Variants in AGRN observed in about 807,000 individuals in gnomAD.
AGRN encodes agrin, also known as agrin proteoglycan.
A neutral mutation model predicts 211.0 loss-of-function variants in AGRN; 106 were observed. That is an observed-to-expected ratio of 0.50 (90% CI 0.43 to 0.59). AGRN has a LOEUF of 0.59. AGRN is among the 20% of genes least tolerant of loss of function. The pLI is 0.00. For missense variants in AGRN, 3,040 were observed against 2,982.6 expected (o/e 1.02, Z -0.45); for synonymous variants, 1,525 against 1,332.5 (o/e 1.14, Z -3.15).
Position 1,053,770 on chromosome 1 carries a change from G to A in AGRN, c.5669G>A (p.Ser1890Asn), listed in dbSNP as rs1390685488. 6.2e-7 allele frequency: 1 copy of A among 1,607,290 alleles called. No homozygotes were observed. Among genetic ancestry groups the A allele is most frequent in the Non-Finnish European group, 8.5e-7 (1 of 1,177,734 alleles). Residue 1890 changes from serine (S) to asparagine (N), a missense_variant, in exon 34 of 36, where the codon AGC becomes AAC. Ser to Asn is a conservative substitution (Grantham distance 46). Transcript: ENST00000379370. ...CCCTCCAGCGAGAAGGCACTGCAGA[G>A]CAACCACTTTGAACTGAGCCTGCGC... ...AVTESEKALQ[S>N]NHFELSLRTE...
chr1:1,054,538 A>G lies in AGRN; in HGVS notation c.5967A>G (p.Gly1989=). Residue 1989 remains glycine (G), a synonymous_variant, in exon 35 of 36, where the codon GGA becomes GGG. Transcript: ENST00000379370. ...PLGATQLDTD[G]ALWLGGLPEL... ...GCGCCACGCAGCTGGACACTGATGG[A>G]GCCCTGTGGCTTGGTGAGTGTTTTG... The G allele has an allele frequency of 6.3e-7, 1 of 1,598,390 alleles. No homozygotes were observed. Among genetic ancestry groups the G allele is most frequent in the Non-Finnish European group, 8.5e-7 (1 of 1,173,728 alleles).
intron 2 of AGRN, among the ~76,000 whole-genome samples, chr1:1,025,603 C>A (rs1192114021): frequency 2.0e-5 from 3 of 152,132 alleles, no homozygotes; most frequent in Admixed American, 6.5e-5. Flanking sequence ...ACTCCAGGTT[C>A]TCATCCTGCC....
chr1:1,055,079 G>A lies in AGRN; in HGVS notation c.*98G>A, dbSNP rs1248008729. 8.6e-6 allele frequency: 13 copies of A among 1,506,552 alleles called. No homozygotes were observed. Among genetic ancestry groups the A allele is most frequent in the East Asian group, 2.5e-5 (1 of 40,698 alleles). 93.3% of individuals were successfully genotyped at this position (1,506,552 alleles called of 1,614,324 possible). Reference sequence around the variant, plus strand: ...TTCTTGCCTGAGTGTTGGCCGGAGGGACTGCTGGCCCGGCCTCCCTTCCGT... The same window carrying A: ...TTCTTGCCTGAGTGTTGGCCGGAGGAACTGCTGGCCCGGCCTCCCTTCCGT... On this transcript the variant is annotated 3_prime_UTR_variant, in exon 36 of 36. Transcript: ENST00000379370.
At position 1,049,025 on chromosome 1, in the gene AGRN, G is replaced by A. The variant is rs1645187395; in HGVS notation, c.4264G>A (p.Ala1422Thr). 5 of 1,576,008 alleles carry A rather than the reference G, an allele frequency of 3.2e-6. No individual in the cohort carries two copies. The South Asian group carries it at 4.6e-5, about 15-fold the overall frequency. ...NGNARGKDFL[A>T]LALLDGRVQL... ...CAACGCCCGGGGCAAGGACTTCCTG[G>A]CATTGGCGCTGCTAGATGGCCGCGT... is the stretch of plus-strand genomic sequence containing the variant. The change falls in exon 24 of 36, where the codon GCA becomes ACA. Residue 1422 changes from alanine (A) to threonine (T), a missense_variant. Around this residue, in one of 3 missense-constraint regions of AGRN, gnomAD observed 1,537 missense variants for 1,505.0 expected, o/e 1.02. Coordinates refer to ENST00000379370, the MANE Select transcript of AGRN (RefSeq NM_198576.4).
At chr1:1,038,008 G>A (rs758371133) in intron 3 of AGRN, among the ~76,000 whole-genome samples, 13 of 152,176 alleles carry the variant, frequency 8.5e-5, no homozygotes, top group African/African-American at 2.4e-4. Flanking sequence ...CAGTGTGAGC[G>A]GAGAATGGGG....
intron 2 of AGRN, among the ~76,000 whole-genome samples, chr1:1,025,049 T>C (rs1644489936): frequency 6.6e-6 from 1 of 151,968 alleles, no homozygotes; most frequent in African/African-American, 2.4e-5. Context: ...CAAAGGCTGG[T>C]CCTAGAGCCT....
intron 1 of AGRN, among the ~76,000 whole-genome samples, chr1:1,020,830 G>C (rs1338298894): frequency 6.7e-6 from 1 of 150,276 alleles, no homozygotes; most frequent in South Asian, 2.1e-4. Context: ...AGCCAGGTGG[G>C]GGGTGCCGCA....
intron 19 of AGRN, 91 bp from the exon 20 acceptor site, chr1:1,047,236 C>T (rs1645124541): frequency 3.3e-6 from 5 of 1,520,694 alleles, no homozygotes; most frequent in South Asian, 2.7e-5. Flanking sequence ...CCTTCCCTTG[C>T]ACCCTTGTGG....
rs773715463 is a variant in AGRN, at chr1:1,044,257, G to A, written c.2148G>A (p.Pro716=). ...DFSCQSVPGS[P]VCGSDGVTYS... is the part of the protein sequence containing the mutation. ...GCTGCCAGAGTGTCCCAGGCAGCCC[G>A]GTGAGCTCTGTACCCCTGGCTCTCG... The change falls in exon 11 of 36, where the codon CCG becomes CCA. Residue 716 remains proline (P), a splice_region_variant and synonymous_variant. Coordinates refer to ENST00000379370, the MANE Select transcript of AGRN (RefSeq NM_198576.4). 8.1e-6 allele frequency: 13 copies of A among 1,612,792 alleles called. No individual in the cohort carries two copies. The highest frequency in any genetic ancestry group is 4.4e-5 in the South Asian group (4 of 91,068).
At chr1:1,041,747 G>C (rs752311914) in intron 6 of AGRN, 45 bp downstream of exon 6, 1 of 1,525,438 alleles carries the variant, frequency 6.6e-7, no homozygotes, top group Non-Finnish European at 8.8e-7. Flanking sequence ...TGCCAGGGTC[G>C]AGGTGGGCGG....
In AGRN at chr1:1,053,311, G is replaced by T. The variant is rs778850548; in HGVS notation, c.5652-442G>T. ...CGCACAAGCATGTGTAGGTGTCCCT[G>T]CTGGGCTCTTTGGTGGGCGGCCAGT... On this transcript the variant is annotated intron_variant, in intron 33 of 35. Coordinates refer to ENST00000379370, the MANE Select transcript of AGRN (RefSeq NM_198576.4). 1.3e-5 allele frequency: 8 copies of T among 612,888 alleles called. No individual in the cohort carries two copies. In the Admixed American group the frequency reaches 1.5e-4, roughly 12 times the overall value. 38.0% of individuals were successfully genotyped at this position (612,888 alleles called of 1,614,324 possible).
At chr1:1,047,096 A>C in intron 19 of AGRN, 139 bp downstream of exon 19, 1 of 1,424,932 alleles carries the variant, frequency 7.0e-7, no homozygotes, top group South Asian at 1.4e-5. Flanking sequence ...CGTGCCGGGG[A>C]CCCCACGCCT....
Position 1,054,773 on chromosome 1 carries a change from C to T in AGRN, c.5981-51C>T, listed in dbSNP as rs955535688. ...CTGGTCACCTGCTCGTTGGGGTGCCCATCAGCATCACTGAGTCACAGCCGG... is the reference window on the plus strand; with the variant it reads ...CTGGTCACCTGCTCGTTGGGGTGCCTATCAGCATCACTGAGTCACAGCCGG... On this transcript the variant is annotated intron_variant, in intron 35 of 35. Coordinates refer to ENST00000379370, the MANE Select transcript of AGRN (RefSeq NM_198576.4). The T allele has an allele frequency of 3.3e-6, 5 of 1,538,008 alleles. 1 individual carries two copies. Among genetic ancestry groups the T allele is most frequent in the South Asian group, 2.4e-5 (2 of 83,866 alleles).
At chr1:1,054,611 A>G in intron 35 of AGRN, 60 bp downstream of exon 35, 1 of 1,538,430 alleles carries the variant, frequency 6.5e-7, no homozygotes, top group Non-Finnish European at 8.8e-7. Context: ...TCCGAGGGAC[A>G]GACTCCACCC....
intron 35 of AGRN, 22 bp downstream of exon 35, chr1:1,054,573 G>A: frequency 6.4e-7 from 1 of 1,568,642 alleles, no homozygotes; most frequent in Non-Finnish European, 8.6e-7. Flanking sequence ...GGGGAGACTA[G>A]AGAGGGATGC....
intron 1 of AGRN, among the ~76,000 whole-genome samples, chr1:1,021,305 C>G (rs902683529): frequency 1.3e-5 from 2 of 152,182 alleles, no homozygotes; most frequent in African/African-American, 4.8e-5. Context: ...TGGGGGAAGG[C>G]GATGAAAGCC....
Position 1,048,675 on chromosome 1 carries a change from G to A in AGRN, c.4106-192G>A. ...ATCCCACCTCGTGAGGCTGAGGCAG[G>A]AGAATCGCTTGAACCTGGCAGGCGG... On this transcript the variant is annotated intron_variant, in intron 23 of 35. Coordinates refer to ENST00000379370, the MANE Select transcript of AGRN (RefSeq NM_198576.4). The surrounding 1 kb of genome is among the most constrained non-coding windows in gnomAD (Gnocchi z 5.9). 1.5e-6 allele frequency: 1 copy of A among 688,966 alleles called. No individual in the cohort carries two copies. The allele number at this position is 688,966 out of a possible 1,614,324, so 42.7% of individuals were successfully genotyped here.
chr1:1,046,641 G>A lies in AGRN; in HGVS notation c.3156G>A (p.Leu1052=), dbSNP rs1295512582. Residue 1052 remains leucine (L), a synonymous_variant, in exon 18 of 36, where the codon CTG becomes CTA. Coordinates refer to ENST00000379370, the MANE Select transcript of AGRN (RefSeq NM_198576.4). ...PPTAPSPAPS[L]VASAFGESGS... ...CGGCACCCTCCCCTGCACCCAGCCT[G>A]GTGGCGTCCGCCTTTGGTGAATCTG... 12 of 1,598,150 alleles carry A rather than the reference G, an allele frequency of 7.5e-6. 1 individual carries two copies. Among genetic ancestry groups the A allele is most frequent in the Admixed American group, 6.7e-5 (4 of 59,738 alleles).
chr1:1,036,993 C>T (rs932354287), intron 3 of AGRN, among the ~76,000 whole-genome samples: 19 of 152,122 alleles, frequency 1.2e-4, no homozygotes, highest in African/African-American at 4.6e-4. Flanking sequence ...AGGTGAGCAG[C>T]TGGCTTGTCC....
Sources: allele counts gnomAD v4.1 joint callset (sites outside exome capture counted in the v4.1 genomes callset), GRCh38; gene constraint gnomAD v4.1.1; regional missense constraint gnomAD v4.1.1; non-coding constraint Gnocchi (gnomAD v3.1); transcripts MANE v1.5; gene names NCBI Gene and HGNC (gene_info 2026-07-23, HGNC 2026-07-21).